The following AHCTF1 variants were observed in gnomAD, a reference collection of about 807,000 sequenced individuals.
AHCTF1 encodes the protein protein ELYS.
A neutral mutation model predicts 248.4 loss-of-function variants in AHCTF1; 24 were observed. The observed-to-expected ratio is 0.10, with a 90% CI of 0.07 to 0.14. The LOEUF is 0.14. Ranked by LOEUF, AHCTF1 falls within the 10% of genes least tolerant of loss-of-function variation. The pLI is 1.00. For missense variants in AHCTF1, 2,206 were observed against 2,636.2 expected (o/e 0.84, Z 3.57); for synonymous variants, 786 against 929.8 (o/e 0.85, Z 2.81).
chr1:246,891,036 A>G lies in AHCTF1; in HGVS notation c.1970T>C (p.Phe657Ser). Residue 657 changes from phenylalanine (F) to serine (S), a missense_variant, in exon 16 of 36, where the codon TTT becomes TCT. Phe to Ser is a radical substitution (Grantham distance 155). Transcript: ENST00000648844. The part of the protein sequence containing the change: ...ERGLIDLSNK[F>S]VVSHLICQYA... ...CTGACAGATGAGGTGGGAAACCACA[A>G]ACTTATTGCTTAAGTCTATCAGTCC... 2 of 1,556,980 alleles carry G rather than the reference A, an allele frequency of 1.3e-6. No homozygotes were observed. Among genetic ancestry groups the G allele is most frequent in the Non-Finnish European group, 1.7e-6 (2 of 1,159,066 alleles).
chr1:246,859,798 G>A (rs538748809), intron 29 of AHCTF1, among the ~76,000 whole-genome samples: 3 of 152,012 alleles, frequency 2.0e-5, no homozygotes, highest in East Asian at 3.9e-4. Context: ...GGCTGGTCTC[G>A]AACTCCTGGG....
chr1:246,878,310 T>C (rs998184731), intron 21 of AHCTF1, among the ~76,000 whole-genome samples: 2 of 146,770 alleles, frequency 1.4e-5, no homozygotes, highest in Admixed American at 7.0e-5. Context: ...GGTGGGAGGA[T>C]TGCTTGATCC....
At chr1:246,891,224 G>T (rs961325110) in intron 15 of AHCTF1, among the ~76,000 whole-genome samples, 164 bp from the exon 16 acceptor site, 5 of 151,986 alleles carry the variant, frequency 3.3e-5, no homozygotes, top group African/African-American at 9.7e-5. Flanking sequence ...ATTCATCTTT[G>T]TATTTAGTTT....
At chr1:246,884,843 A>T (rs923034944) in intron 21 of AHCTF1, among the ~76,000 whole-genome samples, 1 of 152,218 alleles carries the variant, frequency 6.6e-6, no homozygotes, top group Non-Finnish European at 1.5e-5. Context: ...TGCAATGACA[A>T]AATTGAAATA....
At chr1:246,889,111 C>A (rs1664030511) in intron 17 of AHCTF1, among the ~76,000 whole-genome samples, 1 of 152,162 alleles carries the variant, frequency 6.6e-6, no homozygotes, top group Non-Finnish European at 1.5e-5. Context: ...CCATAAAGCC[C>A]AGCGTAGTGA....
rs34089730 is a variant in AHCTF1 at position 246,909,247 on chromosome 1, TA to T, written c.557-1490del. Among the ~76,000 whole-genome samples the T allele has an allele frequency of 4.3e-3, 474 of 109,072 alleles. 1 individual carries two copies. The highest frequency in any genetic ancestry group is 9.7e-3 in the African/African-American group (287 of 29,472). The allele number at this position is 109,072 out of a possible 152,430, so 71.6% of individuals were successfully genotyped here. A position where few individuals can be genotyped will look rare whatever the true frequency, so the allele number is the denominator to read the frequency against. On this transcript the variant is annotated intron_variant, in intron 4 of 35. Transcript: ENST00000648844. ...CAATATGGTGAAACCTCGGCTCTAC[TA>T]AAAAAAAAAAAAAAAAAAATTGGCC...
intron 24 of AHCTF1, among the ~76,000 whole-genome samples, chr1:246,873,019 G>C (rs922976011): frequency 1.3e-5 from 2 of 152,108 alleles, no homozygotes; most frequent in African/African-American, 4.8e-5. Flanking sequence ...CTAAGTTTCA[G>C]GGGCTCAGAC....
At position 246,865,243 on chromosome 1, in the gene AHCTF1, A is replaced by G. The variant is rs1661885835; in HGVS notation, c.3348-1127T>C. On this transcript the variant is annotated intron_variant, in intron 26 of 35. Transcript: ENST00000648844. ...TCCCTTTTTATTTCCCCCAAATGCC[A>G]AAGTGGCTCACCTGAGAATAACCAG... 2.0e-5 allele frequency: 3 copies of G among 152,194 alleles called. No homozygotes were observed. The South Asian group carries it at 6.2e-4, about 32-fold the overall frequency. 9.4% of individuals were successfully genotyped at this position (152,194 alleles called of 1,614,324 possible). A position where few individuals can be genotyped will look rare whatever the true frequency, so the allele number is the denominator to read the frequency against.
rs751554306 is a variant in AHCTF1, at chr1:246,890,958, A to G, written c.2048T>C (p.Ile683Thr). The G allele has an allele frequency of 1.3e-6, 2 of 1,517,336 alleles. No individual in the cohort carries two copies. Among genetic ancestry groups the G allele is most frequent in the Non-Finnish European group, 1.8e-6 (2 of 1,137,400 alleles). 94.0% of individuals were successfully genotyped at this position (1,517,336 alleles called of 1,614,324 possible). The change falls in exon 16 of 36, where the codon ATA becomes ACA. Residue 683 changes from isoleucine (I) to threonine (T), a missense_variant and splice_region_variant. Physicochemically the swap from Ile to Thr is moderately conservative, Grantham distance 89 (BLOSUM62 -1). This residue lies in a region of AHCTF1 where 650 missense variants were observed against 870.8 expected (regional missense o/e 0.75). Transcript: ENST00000648844. ...FSHSGLLPEG[I>T]DDSVQLSRLC... ...TATAGATTAAGTAAATATTTTACCT[A>G]TGCCTTCTGGTAAAAGCCCAGAATG... is the stretch of plus-strand genomic sequence containing the variant.
intron 21 of AHCTF1, among the ~76,000 whole-genome samples, chr1:246,878,434 A>G (rs1202878826): frequency 1.3e-5 from 2 of 149,248 alleles, no homozygotes; most frequent in Non-Finnish European, 3.0e-5. Flanking sequence ...AATACAGTGA[A>G]ACAATGAATT....
At position 246,851,032 on chromosome 1, in the gene AHCTF1, T is replaced by C. The variant is rs1329808054; in HGVS notation, c.4974A>G (p.Pro1658=). The C allele has an allele frequency of 7.4e-6, 12 of 1,613,876 alleles. No individual in the cohort carries two copies. The East Asian group carries it at 1.6e-4, about 21-fold the overall frequency. ...CTACTTTAATAGGTTCAGGCACATA[T>C]GGTAAAGTGTCTACTTTTTGGGACT... ...DQKSQKVDTL[P]YVPEPIKVAI... Residue 1658 remains proline (P), a synonymous_variant, in exon 33 of 36, where the codon CCA becomes CCG. Coordinates refer to ENST00000648844, the MANE Select transcript of AHCTF1 (RefSeq NM_001323342.2).
At chr1:246,866,719 T>G (rs1046892136) in intron 26 of AHCTF1, among the ~76,000 whole-genome samples, 6 of 152,202 alleles carry the variant, frequency 3.9e-5, no homozygotes, top group Non-Finnish European at 8.8e-5. Flanking sequence ...TACTCTGTTC[T>G]CTGTGGTACA....
chr1:246,875,919 C>G (rs1662924553), intron 24 of AHCTF1, 118 bp downstream of exon 24: 1 of 947,216 alleles, frequency 1.1e-6, no homozygotes, highest in Non-Finnish European at 1.5e-6. Context: ...GCAATATCTC[C>G]AAGGCATGCC....
At chr1:246,904,586 T>C (rs1203400013) in intron 6 of AHCTF1, among the ~76,000 whole-genome samples, 5 of 152,082 alleles carry the variant, frequency 3.3e-5, no homozygotes, top group Non-Finnish European at 5.9e-5. Flanking sequence ...GAACGGGCAG[T>C]TGGGGGAAGG....
intron 1 of AHCTF1, among the ~76,000 whole-genome samples, chr1:246,929,869 T>C (rs531779587): frequency 3.2e-4 from 48 of 152,242 alleles, no homozygotes; most frequent in Non-Finnish European, 6.0e-4. Context: ...CTGGCCAATA[T>C]GGTGAAACCC....
intron 21 of AHCTF1, among the ~76,000 whole-genome samples, chr1:246,881,109 T>C (rs1211906109): frequency 6.6e-6 from 1 of 152,146 alleles, no homozygotes; most frequent in Non-Finnish European, 1.5e-5. Flanking sequence ...AACCAACCAC[T>C]GATTTCTAGT....
chr1:246,930,311 T>A (rs1256637561), intron 1 of AHCTF1, among the ~76,000 whole-genome samples: 1 of 151,212 alleles, frequency 6.6e-6, no homozygotes, highest in Non-Finnish European at 1.5e-5. Context: ...CAATTCCCGG[T>A]TGACATGATG....
intron 35 of AHCTF1, 39 bp downstream of exon 35, chr1:246,842,655 A>C (rs1659960893): frequency 1.3e-6 from 2 of 1,514,456 alleles, no homozygotes; most frequent in Admixed American, 1.7e-5. Context: ...AGACTGTCTC[A>C]ATCAATCAAT....
At chr1:246,905,761 C>T in intron 5 of AHCTF1, 104 bp from the exon 6 acceptor site, 1 of 796,044 alleles carries the variant, frequency 1.3e-6, no homozygotes, top group Non-Finnish European at 2.1e-6. Flanking sequence ...CCTACACTTC[C>T]CCAGAATAAG....
Sources: allele counts gnomAD v4.1 joint callset (sites outside exome capture counted in the v4.1 genomes callset), GRCh38; gene constraint gnomAD v4.1.1; regional missense constraint gnomAD v4.1.1; transcripts MANE v1.5; gene names NCBI Gene and HGNC (gene_info 2026-07-23, HGNC 2026-07-21).